The following MTSS2 variants were observed in gnomAD, a reference collection of about 807,000 sequenced individuals.
The protein encoded by MTSS2 is protein MTSS 2.
Under a neutral mutation model 67.1 loss-of-function variants are expected in MTSS2, and 27 were observed. That is an observed-to-expected ratio of 0.40 (90% CI 0.30 to 0.55). The LOEUF is 0.55. MTSS2 is among the 20% of genes least tolerant of loss of function. The pLI is 0.43. For synonymous variants in MTSS2, 624 were observed against 468.6 expected, an observed-to-expected ratio of 1.33 and a Z score of -4.28; for missense variants, 1,171 against 1,067.8, an observed-to-expected ratio of 1.10 and a Z score of -1.35.
Position 70,661,641 on chromosome 16 carries a change from C to G in MTSS2, c.*2036G>C. 3.1e-6 allele frequency: 1 copy of G among 326,702 alleles called. No individual in the cohort carries two copies. Among genetic ancestry groups the G allele is most frequent in the East Asian group, 9.0e-5 (1 of 11,064 alleles). The allele number at this position is 326,702 out of a possible 1,614,324, so 20.2% of individuals were successfully genotyped here. On this transcript the variant is annotated 3_prime_UTR_variant, in exon 15 of 15. Transcript: ENST00000338779. ...GGTTGCTAAGTCGACGCAAGGGCGG[C>G]GGGGGTGGTCTCAGGGATGGACAAG...
In MTSS2 at chr16:70,664,269, G is replaced by C. The variant is rs368538906; in HGVS notation, c.1652C>G (p.Thr551Ser). 22 of 1,558,102 alleles carry C rather than the reference G, an allele frequency of 1.4e-5. No individual in the cohort carries two copies. The highest frequency in any genetic ancestry group is 1.6e-5 in the Non-Finnish European group (18 of 1,159,120). ...GLPTAGLPTA[T>S]GLPSGAPPGV... ...GGGGGGTGCGCCCGAGGGCAGGCCA[G>C]TGGCCGTGGGCAGCCCCGCGGTGGG... The change falls in exon 15 of 15, where the codon ACT becomes AGT. Residue 551 changes from threonine to serine, a missense_variant. Physicochemically the swap from Thr to Ser is moderately conservative, Grantham distance 58. Coordinates refer to ENST00000338779, the MANE Select transcript of MTSS2 (RefSeq NM_138383.3).
intron 11 of MTSS2, among the ~76,000 whole-genome samples, chr16:70,666,040 T>C (rs373024238): frequency 1.3e-5 from 2 of 152,272 alleles, no homozygotes; most frequent in African/African-American, 4.8e-5. Context: ...GAAGTTGGGG[T>C]TGGAGCCATC....
intron 11 of MTSS2, among the ~76,000 whole-genome samples, chr16:70,671,401 CAAAA>C (rs774830213): frequency 2.1e-5 from 2 of 95,924 alleles, no homozygotes; most frequent in Admixed American, 1.1e-4. Context: ...GAGTCTGTGT[CAAAA>C]AAAAAAAAAA....
At chr16:70,682,667 A>G (rs1311468453) in intron 1 of MTSS2, among the ~76,000 whole-genome samples, 2 of 135,102 alleles carry the variant, frequency 1.5e-5, no homozygotes, top group Non-Finnish European at 3.2e-5. Context: ...CCCCACGGTA[A>G]CCACATAAAG....
intron 11 of MTSS2, among the ~76,000 whole-genome samples, chr16:70,670,869 C>T (rs549159660): frequency 8.8e-5 from 13 of 148,058 alleles, no homozygotes; most frequent in African/African-American, 3.2e-4. Context: ...AATTGGGAGG[C>T]TGAGGCAGGA....
In MTSS2 at chr16:70,670,038, A is replaced by AG. The variant is rs531193429; in HGVS notation, c.1053+4267dup. Among the ~76,000 whole-genome samples, 738 of 152,184 alleles carry AG rather than the reference A, an allele frequency of 4.8e-3. 5 individuals are homozygous for AG. The highest frequency in any genetic ancestry group is 0.016 in the African/African-American group (680 of 41,540). ...GTAATCCCAGTACTTTGGGAGGCTG[A>AG]GGGGGGTGGACTGCCTGAGGTCAGG... On this transcript the variant is annotated intron_variant, in intron 11 of 14. Coordinates refer to ENST00000338779, the MANE Select transcript of MTSS2 (RefSeq NM_138383.3).
rs2053128704 is a variant in MTSS2 at position 70,676,770 on chromosome 16, TTG to T, written c.830+109_830+110del. On this transcript the variant is annotated intron_variant, in intron 10 of 14. Coordinates refer to ENST00000338779, the MANE Select transcript of MTSS2 (RefSeq NM_138383.3). ...GCAAATTCCTCGGATGGTGTAAAAG[TTG>T]TGAATTTTGAGGCCCTGAAGCAATT... The T allele has an allele frequency of 1.5e-5, 13 of 857,814 alleles. No homozygotes were observed. The South Asian group carries it at 1.8e-4, about 12-fold the overall frequency. The allele number at this position is 857,814 out of a possible 1,614,324, so 53.1% of individuals were successfully genotyped here. A position where few individuals can be genotyped will look rare whatever the true frequency, so the allele number is the denominator to read the frequency against.
At chr16:70,680,705 T>C in intron 3 of MTSS2, 89 bp downstream of exon 3, 1 of 1,211,508 alleles carries the variant, frequency 8.3e-7, no homozygotes. Flanking sequence ...TGGCGTCCCG[T>C]CCTTTCCCTG....
chr16:70,664,406 G>C lies in MTSS2; in HGVS notation c.1515C>G (p.Ser505Arg). 6.4e-7 allele frequency: 1 copy of C among 1,555,198 alleles called. No individual in the cohort carries two copies. The highest frequency in any genetic ancestry group is 1.3e-5 in the South Asian group (1 of 79,212). ...DCYSVNGDADSEGPPEFDKSS... is the reference protein window; with the variant it reads ...DCYSVNGDADREGPPEFDKSS... Reference sequence around the variant, plus strand: ...ACTTGTCAAACTCGGGCGGGCCCTCGCTGTCCGCATCCCCATTCACGGAGT... The same window carrying C: ...ACTTGTCAAACTCGGGCGGGCCCTCCCTGTCCGCATCCCCATTCACGGAGT... Residue 505 changes from serine (S) to arginine (R), a missense_variant, in exon 15 of 15, where the codon AGC becomes AGG. Ser to Arg is a moderately radical substitution (Grantham distance 110, BLOSUM62 -1). Around this residue, in one of 2 missense-constraint regions of MTSS2, gnomAD observed 924 missense variants for 756.0 expected, o/e 1.22. Transcript: ENST00000338779.
At chr16:70,670,633 A>G (rs76815019) in intron 11 of MTSS2, among the ~76,000 whole-genome samples, 2,376 of 152,292 alleles carry the variant, frequency 0.016, 57 homozygotes, top group African/African-American at 0.055. Flanking sequence ...GAAGCCAGAC[A>G]TAAAGGATAC....
intron 11 of MTSS2, among the ~76,000 whole-genome samples, chr16:70,671,065 G>C (rs918017563): frequency 1.3e-5 from 2 of 151,558 alleles, no homozygotes; most frequent in African/African-American, 4.9e-5. Context: ...CTGGCTTCAG[G>C]AGTGGTGGTT....
At position 70,663,303 on chromosome 16, in the gene MTSS2, C is replaced by T. The variant is rs773301283; in HGVS notation, c.*374G>A. 1.3e-5 allele frequency: 3 copies of T among 228,814 alleles called. No individual in the cohort carries two copies. The highest frequency in any genetic ancestry group is 2.5e-5 in the Non-Finnish European group (3 of 117,872). 14.2% of individuals were successfully genotyped at this position (228,814 alleles called of 1,614,324 possible). ...CATTCCAGGAGGAGCTGAGGCAGGA[C>T]CAGCCCTGGGAGAGGCCGGGATGGT... On this transcript the variant is annotated 3_prime_UTR_variant, in exon 15 of 15. Coordinates refer to ENST00000338779, the MANE Select transcript of MTSS2 (RefSeq NM_138383.3).
chr16:70,685,254 A>AG (rs1274019519), intron 1 of MTSS2, among the ~76,000 whole-genome samples: 1 of 152,036 alleles, frequency 6.6e-6, no homozygotes, highest in Non-Finnish European at 1.5e-5. Context: ...GCAGAGGCCT[A>AG]GGTCGGCGGG....
intron 1 of MTSS2, among the ~76,000 whole-genome samples, chr16:70,681,764 G>A (rs987340341): frequency 6.6e-6 from 1 of 152,262 alleles, no homozygotes; most frequent in African/African-American, 2.4e-5. Flanking sequence ...AAGTTGGGAG[G>A]GGGTTTCCCA....
chr16:70,663,804 T>C lies in MTSS2; in HGVS notation c.2117A>G (p.Glu706Gly), dbSNP rs2052583275. The C allele has an allele frequency of 2.0e-6, 3 of 1,492,052 alleles. No homozygotes were observed. In the South Asian group the frequency reaches 3.7e-5, roughly 18 times the overall value. The allele number at this position is 1,492,052 out of a possible 1,614,324, so 92.4% of individuals were successfully genotyped here. A position where few individuals can be genotyped will look rare whatever the true frequency, so the allele number is the denominator to read the frequency against. Residue 706 changes from glutamate to glycine, a missense_variant, in exon 15 of 15, where the codon GAG (glutamate) becomes GGG (glycine). This residue lies in a region of MTSS2 where 924 missense variants were observed against 756.0 expected (regional missense o/e 1.22). Coordinates refer to ENST00000338779, the MANE Select transcript of MTSS2 (RefSeq NM_138383.3). ...GGCGGCTGGGGGTGGGGTGGGCGTCTCCTCCGTGGGGGTGGCCGACAGAGC... is the reference window on the plus strand; with the variant it reads ...GGCGGCTGGGGGTGGGGTGGGCGTCCCCTCCGTGGGGGTGGCCGACAGAGC... ...PTALSATPTE[E>G]TPTPPPAATS...
rs1655633126 is a variant in MTSS2 at position 70,662,390 on chromosome 16, TG to T, written c.*1286del. ...TTGGTGCGTGGGGTGGGGGCAGCCT[TG>T]CCCCTCCCCTTGCCCCCGCTGCCAC... On this transcript the variant is annotated 3_prime_UTR_variant, in exon 15 of 15. Transcript: ENST00000338779. The T allele has an allele frequency of 6.6e-6, 1 of 152,220 alleles. No homozygotes were observed. Among genetic ancestry groups the T allele is most frequent in the South Asian group, 2.1e-4 (1 of 4,838 alleles). 9.4% of individuals were successfully genotyped at this position (152,220 alleles called of 1,614,324 possible).
chr16:70,663,991 C>A lies in MTSS2; in HGVS notation c.1930G>T (p.Ala644Ser), dbSNP rs751268305. Residue 644 changes from alanine (A) to serine (S), a missense_variant, in exon 15 of 15, where the codon GCC becomes TCC. Coordinates refer to ENST00000338779, the MANE Select transcript of MTSS2 (RefSeq NM_138383.3). The part of the protein sequence containing the change: ...SPKRLSLPNT[A>S]WGSPSPEAAG... ...GCCTCTGGGGATGGGCTGCCCCAGG[C>A]TGTGTTGGGCAGGCTGAGCCTCTTT... The A allele has an allele frequency of 6.3e-7, 1 of 1,591,668 alleles. No homozygotes were observed. Among genetic ancestry groups the A allele is most frequent in the East Asian group, 2.3e-5 (1 of 44,004 alleles).
chr16:70,677,042 C>CT (rs1234976060), intron 9 of MTSS2, 64 bp from the exon 10 acceptor site: 1 of 1,251,648 alleles, frequency 8.0e-7, no homozygotes, highest in African/African-American at 1.5e-5. Flanking sequence ...GGCCAGAGGC[C>CT]CCCCCCCACT....
chr16:70,666,826 A>C (rs2052732902), intron 11 of MTSS2, among the ~76,000 whole-genome samples: 1 of 152,276 alleles, frequency 6.6e-6, no homozygotes. Context: ...AAGGAAGCTA[A>C]TCTGATAAAG....
Sources: gnomAD v4.1 joint callset for allele counts (sites outside exome capture counted in the v4.1 genomes callset) on GRCh38, gnomAD v4.1.1 for gene constraint, gnomAD v4.1.1 regional missense constraint, MANE v1.5 for transcripts, NCBI Gene and HGNC (gene_info 2026-07-23, HGNC 2026-07-21) for gene names.